Variants in TGM2 observed in about 807,000 individuals in gnomAD.
TGM2 encodes protein-glutamine gamma-glutamyltransferase 2.
TGM2 carries 53 observed loss-of-function variants against 75.6 expected under a neutral mutation model. That is an observed-to-expected ratio of 0.70 (90% confidence interval 0.56 to 0.88). The LOEUF is 0.88. Among genes scored for constraint, TGM2 ranks in the 40% least tolerant of loss-of-function variants. TGM2 has a pLI of 0.00. For missense variants in TGM2, 842 were observed against 928.5 expected, an observed-to-expected ratio of 0.91 and a Z score of 1.21; for synonymous variants, 374 against 381.1, an observed-to-expected ratio of 0.98 and a Z score of 0.22.
At position 38,130,174 on chromosome 20, in the gene TGM2, T is replaced by A. The variant is rs780255756; in HGVS notation, c.*45A>T. 5.6e-6 allele frequency: 9 copies of A among 1,610,842 alleles called. No homozygotes were observed. Among genetic ancestry groups the A allele is most frequent in the Admixed American group, 3.4e-5 (2 of 59,670 alleles). On this transcript the variant is annotated 3_prime_UTR_variant, in exon 13 of 13. Coordinates refer to ENST00000361475, the MANE Select transcript of TGM2 (RefSeq NM_004613.4). Reference sequence around the variant, plus strand: ...TTGCTCACTAGCTTGGGATAAGGATTGGGATCAAGGTGGGGGCTCTCAGCA... The same window carrying A: ...TTGCTCACTAGCTTGGGATAAGGATAGGGATCAAGGTGGGGGCTCTCAGCA...
In TGM2 at chr20:38,138,212, G is replaced by A. The variant is rs1378972920; in HGVS notation, c.1516C>T (p.Arg506Cys). The A allele has an allele frequency of 3.7e-6, 6 of 1,610,350 alleles. No individual in the cohort carries two copies. The highest frequency in any genetic ancestry group is 3.3e-5 in the South Asian group (3 of 90,422). ...TNNTAEEYVC[R>C]LLLCARTVSY... Reference sequence around the variant, plus strand: ...ACGGTGCGGGCACAGAGCAGGAGGCGGCAGACGTACTCCTCAGCGGTGTTG... The same window carrying A: ...ACGGTGCGGGCACAGAGCAGGAGGCAGCAGACGTACTCCTCAGCGGTGTTG... The change falls in exon 10 of 13, where the codon CGC (arginine) becomes TGC (cysteine). Residue 506 changes from arginine to cysteine, a missense_variant. Physicochemically the swap from Arg to Cys is radical, Grantham distance 180. Coordinates refer to ENST00000361475, the MANE Select transcript of TGM2 (RefSeq NM_004613.4).
chr20:38,166,817 C>T (rs1176809738), upstream of TGM2, among the ~76,000 whole-genome samples: 2 of 152,098 alleles, frequency 1.3e-5, no homozygotes, highest in Admixed American at 6.5e-5. Context: ...CCAGCTGACC[C>T]GTAATTGCCC....
rs2075093644 is a variant in TGM2, at chr20:38,149,692, A to AAAAAAAC, written c.552+1246_552+1247insGTTTTTT. On this transcript the variant is annotated intron_variant, in intron 4 of 12. Transcript: ENST00000361475. ...AGACTCCGCCTCAAAAAAAAAAAAA[A>AAAAAAAC]AAAAAAAAACAGGACCCTGGGAAAT... 5.4e-5 allele frequency among the ~76,000 whole-genome samples: 8 copies of AAAAAAAC among 147,244 alleles called. 1 individual carries two copies. In the East Asian group the frequency reaches 1.0e-3, roughly 19 times the overall value.
At chr20:38,160,005 T>C (rs2075235238) in intron 2 of TGM2, among the ~76,000 whole-genome samples, 1 of 152,170 alleles carries the variant, frequency 6.6e-6, no homozygotes, top group South Asian at 2.1e-4. Context: ...GGGGGCTCCT[T>C]GGCTCTGTTA....
At chr20:38,137,256 A>C (rs1291411023) in intron 10 of TGM2, among the ~76,000 whole-genome samples, 1 of 152,144 alleles carries the variant, frequency 6.6e-6, no homozygotes, top group Non-Finnish European at 1.5e-5. Context: ...AGGCCGAGGC[A>C]GGTAGATCAC....
chr20:38,152,017 C>T (rs964212651), intron 3 of TGM2, among the ~76,000 whole-genome samples: 4 of 152,210 alleles, frequency 2.6e-5, no homozygotes, highest in African/African-American at 9.6e-5. Flanking sequence ...GCCCCAGGCA[C>T]TCTTGACTTC....
At chr20:38,159,153 A>G (rs1325295043) in intron 2 of TGM2, among the ~76,000 whole-genome samples, 1 of 152,160 alleles carries the variant, frequency 6.6e-6, no homozygotes, top group African/African-American at 2.4e-5. Flanking sequence ...ATTACCTAAC[A>G]CTACGCTGCC....
At position 38,130,273 on chromosome 20, in the gene TGM2, G is replaced by A. The variant is rs113631627; in HGVS notation, c.2010C>T (p.Ser670=). Residue 670 remains serine (S), a synonymous_variant, in exon 13 of 13, where the codon AGC becomes AGT. Coordinates refer to ENST00000361475, the MANE Select transcript of TGM2 (RefSeq NM_004613.4). ...AGCCCTTCACAGCCTTCAGCTTGTC[G>A]CTCTCGAAGTTCACCACCAGCTTGT... ...GLHKLVVNFE[S]DKLKAVKGFR... is the part of the protein sequence containing the mutation. 57 of 1,613,098 alleles carry A rather than the reference G, an allele frequency of 3.5e-5. 1 individual carries two copies. The highest frequency in any genetic ancestry group is 2.7e-4 in the African/African-American group (20 of 75,032).
chr20:38,138,135 G>T lies in TGM2; in HGVS notation c.1593C>A (p.Asn531Lys), dbSNP rs1014526962. The change falls in exon 10 of 13, where the codon AAC (asparagine) becomes AAA (lysine). Residue 531 changes from asparagine (N) to lysine (K), a missense_variant. Physicochemically the swap from Asn to Lys is moderately conservative, Grantham distance 94. Transcript: ENST00000361475. ...TACCAGAGAAAGGCTCCAGGTTGAG[G>T]TTGAGCAGGTACTTGGTGCCACACT... ...GPECGTKYLL[N>K]LNLEPFSEKS... 1.9e-6 allele frequency: 3 copies of T among 1,598,118 alleles called. No individual in the cohort carries two copies. Among genetic ancestry groups the T allele is most frequent in the African/African-American group, 2.7e-5 (2 of 74,464 alleles).
chr20:38,159,194 G>A (rs985350639), intron 2 of TGM2, among the ~76,000 whole-genome samples: 5 of 152,130 alleles, frequency 3.3e-5, no homozygotes, highest in African/African-American at 7.2e-5. Flanking sequence ...AATAAGAAAG[G>A]GGACATCTGG....
Position 38,130,106 on chromosome 20 carries a change from G to A in TGM2, c.*113C>T. 6.9e-7 allele frequency: 1 copy of A among 1,457,850 alleles called. No individual in the cohort carries two copies. Among genetic ancestry groups the A allele is most frequent in the Non-Finnish European group, 9.3e-7 (1 of 1,070,814 alleles). The allele number at this position is 1,457,850 out of a possible 1,614,324, so 90.3% of individuals were successfully genotyped here. On this transcript the variant is annotated 3_prime_UTR_variant, in exon 13 of 13. Transcript: ENST00000361475. ...CCATTTCCGAGAGCCCCCATAGGCT[G>A]CCCACCCTGCCCTGGGGTCTGGGGC...
chr20:38,148,972 A>T (rs1328651737), intron 4 of TGM2, among the ~76,000 whole-genome samples: 1 of 152,100 alleles, frequency 6.6e-6, no homozygotes, highest in Non-Finnish European at 1.5e-5. Flanking sequence ...ACAGCCTTCC[A>T]CGGTGTGAAC....
rs75929530 is a variant in TGM2, at chr20:38,138,645, T to C, written c.1343-260A>G. Among the ~76,000 whole-genome samples, 82 of 152,308 alleles carry C rather than the reference T, an allele frequency of 5.4e-4. 1 individual carries two copies. The East Asian group carries it at 0.015, about 28-fold the overall frequency. On this transcript the variant is annotated intron_variant, in intron 9 of 12. Coordinates refer to ENST00000361475, the MANE Select transcript of TGM2 (RefSeq NM_004613.4). ...CTGACCACTCCTTCCCCTGTGTTGT[T>C]TTCTGTTTCAAACTTACCTTCTTGA... is the stretch of plus-strand genomic sequence containing the variant.
Position 38,165,221 on chromosome 20 carries a change from C to T in TGM2, c.-23G>A, listed in dbSNP as rs781151515. 1.2e-6 allele frequency: 2 copies of T among 1,613,042 alleles called. No homozygotes were observed. Among genetic ancestry groups the T allele is most frequent in the Non-Finnish European group, 1.7e-6 (2 of 1,179,910 alleles). On this transcript the variant is annotated 5_prime_UTR_variant, in exon 1 of 13. Coordinates refer to ENST00000361475, the MANE Select transcript of TGM2 (RefSeq NM_004613.4). ...CATGGTCGGGCGGGGGCGGTGGCTC[C>T]TTCCACTGGCGGCGAGACCCTCCAA...
At chr20:38,143,966 GC>G (rs879748169) in intron 6 of TGM2, among the ~76,000 whole-genome samples, 5 of 152,182 alleles carry the variant, frequency 3.3e-5, no homozygotes, top group African/African-American at 4.8e-5. Context: ...TCCCCCTCTT[GC>G]CTGGTTTCTG....
chr20:38,137,825 G>T, intron 10 of TGM2: 1 of 521,408 alleles, frequency 1.9e-6, no homozygotes, highest in Non-Finnish European at 3.3e-6. Context: ...TAGCTGCTGT[G>T]AGGACAGGTT....
chr20:38,144,691 C>T (rs985109581), intron 6 of TGM2, among the ~76,000 whole-genome samples: 1 of 152,204 alleles, frequency 6.6e-6, no homozygotes, highest in Non-Finnish European at 1.5e-5. Flanking sequence ...TGCCCAAGTC[C>T]ACCCAGGGGT....
intron 10 of TGM2, among the ~76,000 whole-genome samples, chr20:38,134,292 A>G (rs2074870662): frequency 1.3e-5 from 2 of 152,204 alleles, no homozygotes; most frequent in Non-Finnish European, 2.9e-5. Flanking sequence ...CCAACCTCTC[A>G]TCAGATGATG....
At chr20:38,152,726 G>A (rs538495001) in intron 3 of TGM2, among the ~76,000 whole-genome samples, 7 of 152,276 alleles carry the variant, frequency 4.6e-5, no homozygotes, top group East Asian at 1.9e-4. Context: ...ATTTCCTCCC[G>A]CAGCGCCCCT....
Sources: allele counts gnomAD v4.1 joint callset (sites outside exome capture counted in the v4.1 genomes callset), GRCh38; gene constraint gnomAD v4.1.1; transcripts MANE v1.5; gene names NCBI Gene and HGNC (gene_info 2026-07-23, HGNC 2026-07-21).